CTNNA3: variants seen among roughly 807,000 people sequenced by gnomAD.
CTNNA3 encodes catenin alpha 3.
CTNNA3 carries 76 observed loss-of-function variants against 95.7 expected under a neutral mutation model. The ratio of observed to expected loss-of-function variants is 0.79; its 90% CI spans 0.66 to 0.96. The LOEUF is 0.96. Among genes scored for constraint, CTNNA3 ranks in the 40% least tolerant of loss-of-function variants. CTNNA3 has a pLI of 0.00. For synonymous variants in CTNNA3, 431 were observed against 374.4 expected (o/e 1.15, Z -1.74); for missense variants, 1,191 against 1,089.8 (o/e 1.09, Z -1.31).
At chr10:66,985,271 T>C (rs1221564135) in intron 7 of CTNNA3, among the ~76,000 whole-genome samples, 1 of 152,210 alleles carries the variant, frequency 6.6e-6, no homozygotes, top group Admixed American at 6.5e-5. Flanking sequence ...TGTTATAAAG[T>C]TTAACAATAT....
chr10:66,117,345 A>G (rs894206795), intron 13 of CTNNA3, among the ~76,000 whole-genome samples: 12 of 152,214 alleles, frequency 7.9e-5, no homozygotes, highest in Non-Finnish European at 1.3e-4. Flanking sequence ...AAAATACTAT[A>G]TTATATATGC....
intron 9 of CTNNA3, among the ~76,000 whole-genome samples, chr10:66,757,548 G>T: frequency 6.6e-6 from 1 of 152,248 alleles, no homozygotes; most frequent in African/African-American, 2.4e-5. Context: ...GAGTTAGAAA[G>T]AATGACTGCA....
At chr10:67,597,414 G>T (rs1842962215) in intron 3 of CTNNA3, among the ~76,000 whole-genome samples, 1 of 152,158 alleles carries the variant, frequency 6.6e-6, no homozygotes, top group Admixed American at 6.5e-5. Context: ...CTTTGAGCTT[G>T]TTCTCCTTTG....
At chr10:65,977,366 T>C (rs1174359842) in intron 16 of CTNNA3, among the ~76,000 whole-genome samples, 2 of 152,132 alleles carry the variant, frequency 1.3e-5, no homozygotes, top group Non-Finnish European at 2.9e-5. Context: ...TAAAAAAAAT[T>C]CATTACGTTT....
At chr10:67,502,456 C>G (rs1839264310) in intron 5 of CTNNA3, among the ~76,000 whole-genome samples, 1 of 152,182 alleles carries the variant, frequency 6.6e-6, no homozygotes, top group Admixed American at 6.5e-5. Flanking sequence ...GTCAGGGACC[C>G]ACTAGAGGAG....
At chr10:67,668,832 CTTTTTTTT>C (rs869150567) in intron 1 of CTNNA3, among the ~76,000 whole-genome samples, 1 of 90,108 alleles carries the variant, frequency 1.1e-5, no homozygotes, top group Non-Finnish European at 2.1e-5. Context: ...TACTGTGTTT[CTTTTTTTT>C]TTTTTTTTTT....
At chr10:67,083,345 T>C (rs1220698851) in intron 7 of CTNNA3, among the ~76,000 whole-genome samples, 2 of 151,986 alleles carry the variant, frequency 1.3e-5, no homozygotes, top group African/African-American at 4.8e-5. Context: ...ACAGTTCCAA[T>C]CAGTTATTCA....
chr10:66,435,276 T>C (rs2093328919), intron 11 of CTNNA3, among the ~76,000 whole-genome samples: 2 of 152,184 alleles, frequency 1.3e-5, no homozygotes, highest in African/African-American at 4.8e-5. Context: ...TGTCTGGTCC[T>C]GGGCTTTTTT....
At chr10:66,219,322 G>A (rs963930838) in intron 13 of CTNNA3, among the ~76,000 whole-genome samples, 1 of 152,066 alleles carries the variant, frequency 6.6e-6, no homozygotes, top group Non-Finnish European at 1.5e-5. Flanking sequence ...TAGCATCCAG[G>A]CCCCAAAATG....
chr10:67,303,179 G>A (rs558663092), intron 5 of CTNNA3, among the ~76,000 whole-genome samples: 1 of 152,308 alleles, frequency 6.6e-6, no homozygotes, highest in Non-Finnish European at 1.5e-5. Flanking sequence ...CCAATCCTAG[G>A]TCCAAAGAGA....
intron 7 of CTNNA3, among the ~76,000 whole-genome samples, chr10:67,040,586 T>C (rs528192036): frequency 1.3e-5 from 2 of 152,248 alleles, no homozygotes; most frequent in East Asian, 3.9e-4. Context: ...TGGAATTTTT[T>C]TCTAGATGGA....
rs2078256159 is a variant in CTNNA3 at position 65,978,621 on chromosome 10, AG to A, written c.2265+10070del. 3.9e-5 allele frequency among the ~76,000 whole-genome samples: 6 copies of A among 152,296 alleles called. No individual in the cohort carries two copies. The South Asian group carries it at 1.2e-3, about 32-fold the overall frequency. On this transcript the variant is annotated intron_variant, in intron 16 of 17. Coordinates refer to ENST00000433211, the MANE Select transcript of CTNNA3 (RefSeq NM_013266.4). ...AGGCGATCCATGTAACTACTGTGTT[AG>A]TCCATGCCATTTCAGCATCTCATCA... is the stretch of plus-strand genomic sequence containing the variant.
intron 2 of CTNNA3, among the ~76,000 whole-genome samples, chr10:67,633,356 C>T (rs979436829): frequency 2.6e-5 from 4 of 152,160 alleles, no homozygotes; most frequent in Admixed American, 2.6e-4. Flanking sequence ...ATCCCTCACT[C>T]CCCGCCCCAA....
At chr10:67,750,102 G>T (rs1254535075) in intron 1 of CTNNA3, among the ~76,000 whole-genome samples, 2 of 152,086 alleles carry the variant, frequency 1.3e-5, no homozygotes, top group East Asian at 3.8e-4. Context: ...AAGAAACTCT[G>T]GACACATCTG....
At chr10:66,803,742 T>C (rs1841526584) in intron 7 of CTNNA3, among the ~76,000 whole-genome samples, 1 of 152,086 alleles carries the variant, frequency 6.6e-6, no homozygotes, top group Non-Finnish European at 1.5e-5. Flanking sequence ...AAAGCTAGTG[T>C]ACTGAATAAA....
chr10:65,940,983 T>G (rs1244335709), intron 17 of CTNNA3, among the ~76,000 whole-genome samples: 1 of 152,198 alleles, frequency 6.6e-6, no homozygotes, highest in African/African-American at 2.4e-5. Context: ...CATTTAATCC[T>G]GAAAATAAAC....
chr10:66,368,745 G>T (rs2092731456), intron 12 of CTNNA3, among the ~76,000 whole-genome samples: 1 of 152,134 alleles, frequency 6.6e-6, no homozygotes. Flanking sequence ...GATGGCAAGA[G>T]AAGTACAATA....
intron 13 of CTNNA3, among the ~76,000 whole-genome samples, chr10:66,103,715 G>A (rs185958903): frequency 6.9e-6 from 1 of 145,582 alleles, no homozygotes; most frequent in African/African-American, 2.5e-5. Flanking sequence ...TTTGCTAGGT[G>A]CTAGGGGAAA....
intron 15 of CTNNA3, among the ~76,000 whole-genome samples, chr10:66,033,371 G>C (rs752243194): frequency 3.4e-4 from 51 of 152,114 alleles, no homozygotes; most frequent in Non-Finnish European, 4.9e-4. Context: ...TCCTGACCTC[G>C]TGGTCTGCCC....
Sources: allele counts gnomAD v4.1 joint callset (sites outside exome capture counted in the v4.1 genomes callset), GRCh38; gene constraint gnomAD v4.1.1; transcripts MANE v1.5; gene names NCBI Gene and HGNC (gene_info 2026-07-23, HGNC 2026-07-21).